CPT1C: variants seen among roughly 807,000 people sequenced by gnomAD.
CPT1C encodes palmitoyl thioesterase CPT1C.
CPT1C carries 61 observed loss-of-function variants against 97.3 expected under a neutral mutation model. The observed-to-expected ratio is 0.63, with a 90% CI of 0.51 to 0.78. The LOEUF (loss-of-function observed/expected upper bound fraction) is 0.78. Ranked by LOEUF, CPT1C falls within the 30% of genes least tolerant of loss-of-function variation. The pLI is 0.00. For missense variants in CPT1C, 975 were observed against 1,065.5 expected, an observed-to-expected ratio of 0.92 and a Z score of 1.18; for synonymous variants, 469 against 447.2, an observed-to-expected ratio of 1.05 and a Z score of -0.61.
chr19:49,707,436 A>C, intron 12 of CPT1C, 82 bp from the exon 13 acceptor site: 1 of 946,782 alleles, frequency 1.1e-6, no homozygotes, highest in Non-Finnish European at 1.7e-6. Context: ...CCATCTAGAA[A>C]ACCCCCTCAA....
intron 3 of CPT1C, among the ~76,000 whole-genome samples, chr19:49,694,298 C>T (rs966292136): frequency 6.6e-6 from 1 of 151,672 alleles, no homozygotes; most frequent in Non-Finnish European, 1.5e-5. Context: ...AATGATAAAT[C>T]GGGTAGAGAA....
chr19:49,700,555 C>A, intron 4 of CPT1C, 129 bp from the exon 5 acceptor site: 1 of 1,019,680 alleles, frequency 9.8e-7, no homozygotes. Context: ...CTCACACCTA[C>A]TAAAATGACA....
chr19:49,701,343 C>T lies in CPT1C; in HGVS notation c.480C>T (p.Arg160=), dbSNP rs754275082. 18 of 1,613,512 alleles carry T rather than the reference C, an allele frequency of 1.1e-5. No individual in the cohort carries two copies. In the South Asian group the frequency reaches 1.6e-4, roughly 15 times the overall value. ...WLALVRIFSG[R]HPMLFSYQRS... ...CCCTGGTCCGCATCTTCTCTGGCCGCCACCCGATGCTGTTCAGTTACCAGC... is the reference window on the plus strand; with the variant it reads ...CCCTGGTCCGCATCTTCTCTGGCCGTCACCCGATGCTGTTCAGTTACCAGC... Residue 160 remains arginine, a synonymous_variant, in exon 6 of 20, where the codon CGC becomes CGT. Transcript: ENST00000598293.
At chr19:49,703,990 T>C (rs958969185) in intron 7 of CPT1C, among the ~76,000 whole-genome samples, 1 of 152,042 alleles carries the variant, frequency 6.6e-6, no homozygotes, top group Non-Finnish European at 1.5e-5. Context: ...CATTTTTTTA[T>C]GTACAACAAC....
chr19:49,703,155 TCCTG>T lies in CPT1C; in HGVS notation c.693+1537_694-1536del, dbSNP rs551749231. On this transcript the variant is annotated intron_variant, in intron 7 of 19. Coordinates refer to ENST00000598293, the MANE Select transcript of CPT1C (RefSeq NM_001199753.2). Reference sequence around the variant, plus strand: ...TCCCTCCCTCCTTTCCTACCTTCTTTCCTGCCTGCCTGCCTGCCTTCTCTCTCTC... The same window carrying T: ...TCCCTCCCTCCTTTCCTACCTTCTTTCCTGCCTGCCTGCCTTCTCTCTCTC... Among the ~76,000 whole-genome samples, 28 of 145,542 alleles carry T rather than the reference TCCTG, an allele frequency of 1.9e-4. No homozygotes were observed. The South Asian group carries it at 2.2e-3, about 11-fold the overall frequency.
rs769026128 is a variant in CPT1C at position 49,692,229 on chromosome 19, C to A, written c.-14-10C>A. On this transcript the variant is annotated splice_polypyrimidine_tract_variant and intron_variant, in intron 2 of 19. Transcript: ENST00000598293. ...GCTGGGGTCCTGAAGTATGACTCTG[C>A]CCGACTCAGGGCTCCAGCGTGACAT... 8.7e-6 allele frequency: 14 copies of A among 1,611,570 alleles called. No homozygotes were observed. The highest frequency in any genetic ancestry group is 1.8e-4 in the Middle Eastern group (1 of 5,604).
chr19:49,710,267 A>G, intron 14 of CPT1C, 53 bp from the exon 15 acceptor site: 11 of 1,577,162 alleles, frequency 7.0e-6, no homozygotes, highest in Non-Finnish European at 9.6e-6. Flanking sequence ...CCTGGCTTTC[A>G]CCCTACCCCC....
In CPT1C at chr19:49,706,765, C is replaced by T. The variant is rs896658127; in HGVS notation, c.1343+352C>T. On this transcript the variant is annotated intron_variant, in intron 12 of 19. Transcript: ENST00000598293. This position sits in a 1 kb window ranked among gnomAD's most constrained non-coding sequence, Gnocchi z 4.8. The stretch of plus-strand genomic sequence containing the variant: ...AACCCAGGACCCCTAGGCCCAGGGA[C>T]CCCAGACTTGGCAACCTCAGCCTCA... 6.6e-6 allele frequency among the ~76,000 whole-genome samples: 1 copy of T among 152,038 alleles called. No individual in the cohort carries two copies. Among genetic ancestry groups the T allele is most frequent in the Non-Finnish European group, 1.5e-5 (1 of 68,014 alleles).
chr19:49,698,677 A>G (rs1168443030), intron 4 of CPT1C, among the ~76,000 whole-genome samples: 3 of 151,808 alleles, frequency 2.0e-5, no homozygotes, highest in Non-Finnish European at 4.4e-5. Flanking sequence ...AAAAAAAAAA[A>G]GTATGAGCTT....
intron 8 of CPT1C, 43 bp downstream of exon 8, chr19:49,704,830 G>T: frequency 6.4e-7 from 1 of 1,571,296 alleles, no homozygotes; most frequent in East Asian, 2.2e-5. Flanking sequence ...CAGGTCTAGG[G>T]TTGGGGGGTA....
chr19:49,713,347 T>C lies in CPT1C; in HGVS notation c.2227-73T>C, dbSNP rs552818847. ...CCTCAGACTCAGGAATCCAGGCCCT[T>C]AGCCCTCTTGTTTCTCAGCCTCCAG... On this transcript the variant is annotated intron_variant, in intron 19 of 19. Coordinates refer to ENST00000598293, the MANE Select transcript of CPT1C (RefSeq NM_001199753.2). The C allele has an allele frequency of 5.7e-4, 796 of 1,390,300 alleles. 2 individuals carry two copies. Among genetic ancestry groups the C allele is most frequent in the Non-Finnish European group, 7.6e-4 (769 of 1,006,380 alleles). The allele number at this position is 1,390,300 out of a possible 1,614,324, so 86.1% of individuals were successfully genotyped here. A position where few individuals can be genotyped will look rare whatever the true frequency, so the allele number is the denominator to read the frequency against.
intron 4 of CPT1C, among the ~76,000 whole-genome samples, chr19:49,698,277 A>G (rs1297518078): frequency 6.6e-6 from 1 of 151,220 alleles, no homozygotes; most frequent in East Asian, 1.9e-4. Flanking sequence ...TGAGGTGGAG[A>G]TCACCTGAGC....
intron 7 of CPT1C, among the ~76,000 whole-genome samples, chr19:49,703,943 A>G (rs1220215094): frequency 6.6e-6 from 1 of 151,898 alleles, no homozygotes; most frequent in East Asian, 1.9e-4. Context: ...TGTATATTTT[A>G]TTGTACCTCC....
chr19:49,712,642 TA>T (rs953289562), intron 17 of CPT1C, 93 bp from the exon 18 acceptor site: 771 of 900,146 alleles, frequency 8.6e-4, no homozygotes, highest in Non-Finnish European at 9.9e-4. Flanking sequence ...GATTTACGGG[TA>T]AAAAAAAAGC....
chr19:49,707,199 C>T (rs368396759), intron 12 of CPT1C, among the ~76,000 whole-genome samples: 1 of 152,110 alleles, frequency 6.6e-6, no homozygotes, highest in Non-Finnish European at 1.5e-5. Flanking sequence ...CACTTGAACC[C>T]TCAGCTACTT....
intron 14 of CPT1C, among the ~76,000 whole-genome samples, 171 bp downstream of exon 14, chr19:49,709,010 A>G (rs2083680843): frequency 6.7e-6 from 1 of 149,622 alleles, no homozygotes; most frequent in Admixed American, 6.7e-5. Flanking sequence ...ACAACCTCAA[A>G]CCCCAACACG....
In CPT1C at chr19:49,705,128, A is replaced by C. The variant is rs764826051; in HGVS notation, c.879+14A>C. ...GAGATACCCCCGGTGAGAGGGCCCC[A>C]GTGGGTTAGGGATGGAGGTGTGGTC... is the stretch of plus-strand genomic sequence containing the variant. On this transcript the variant is annotated intron_variant, in intron 9 of 19. Transcript: ENST00000598293. 1.5e-5 allele frequency: 24 copies of C among 1,613,578 alleles called. No homozygotes were observed. The East Asian group carries it at 4.7e-4, about 31-fold the overall frequency.
intron 10 of CPT1C, 130 bp from the exon 11 acceptor site, chr19:49,705,779 G>C (rs958535677): frequency 4.8e-6 from 4 of 829,712 alleles, no homozygotes; most frequent in Non-Finnish European, 7.6e-6. Flanking sequence ...GTAAATAAAA[G>C]TCCTAGGGTG....
At chr19:49,709,285 C>T (rs573462203) in intron 14 of CPT1C, among the ~76,000 whole-genome samples, 5 of 151,804 alleles carry the variant, frequency 3.3e-5, no homozygotes, top group Admixed American at 1.3e-4. Context: ...TACTCAGCCA[C>T]GACCCCACTT....
Sources: gnomAD v4.1 joint callset for allele counts (sites outside exome capture counted in the v4.1 genomes callset) on GRCh38, gnomAD v4.1.1 for gene constraint, Gnocchi (gnomAD v3.1) non-coding constraint, MANE v1.5 for transcripts, NCBI Gene and HGNC (gene_info 2026-07-23, HGNC 2026-07-21) for gene names.